Variants in AGRN observed in about 807,000 individuals in gnomAD.
AGRN encodes the protein agrin proteoglycan.
AGRN carries 106 observed loss-of-function variants against 211.0 expected under a neutral mutation model. The ratio of observed to expected loss-of-function variants is 0.50; its 90% CI spans 0.43 to 0.59. The LOEUF (loss-of-function observed/expected upper bound fraction) is 0.59, where lower values mean the gene tolerates loss of function less well. AGRN is among the 20% of genes least tolerant of loss of function. The pLI is 0.00. For synonymous variants in AGRN, 1,525 were observed against 1,332.5 expected, an observed-to-expected ratio of 1.14 and a Z score of -3.15; for missense variants, 3,040 against 2,982.6, an observed-to-expected ratio of 1.02 and a Z score of -0.45.
At position 1,039,411 on chromosome 1, in the gene AGRN, T is replaced by TGGC. The variant is rs71576591; in HGVS notation, c.512-1252_512-1251insCGG. ...CCAGTGCACCCACCCTCCTTGGAGA[T>TGGC]GGGGGGGGTTCCTCCTGCCCCATTT... On this transcript the variant is annotated intron_variant, in intron 3 of 35. Coordinates refer to ENST00000379370, the MANE Select transcript of AGRN (RefSeq NM_198576.4). Among the ~76,000 whole-genome samples, 442 of 148,532 alleles carry TGGC rather than the reference T, an allele frequency of 3.0e-3. 3 individuals carry two copies. The highest frequency in any genetic ancestry group is 4.6e-3 in the Non-Finnish European group (307 of 67,124).
At chr1:1,045,935 CACAG>C (rs747898211) in intron 15 of AGRN, 25 bp from the exon 16 acceptor site, 1 of 1,612,502 alleles carries the variant, frequency 6.2e-7, no homozygotes, top group East Asian at 2.2e-5. Flanking sequence ...TCACCCGAGC[CACAG>C]AGGTTTCCCA....
rs997421669 is a variant in AGRN, at chr1:1,031,500, T to G, written c.464-3777T>G. Among the ~76,000 whole-genome samples the G allele has an allele frequency of 2.6e-5, 4 of 152,196 alleles. No homozygotes were observed. The highest frequency in any genetic ancestry group is 2.1e-4 in the South Asian group (1 of 4,826). On this transcript the variant is annotated intron_variant, in intron 2 of 35. Transcript: ENST00000379370. This position sits in a 1 kb window ranked among gnomAD's most constrained non-coding sequence, Gnocchi z 4.8. ...CTTTCTGAAGGCATCTGGGCCTCTG[T>G]GGGGGGCTCAGACACTGACTGGGGC...
chr1:1,049,064 G>A lies in AGRN; in HGVS notation c.4298+5G>A, dbSNP rs1372903519. The A allele has an allele frequency of 6.5e-7, 1 of 1,531,354 alleles. No homozygotes were observed. Among genetic ancestry groups the A allele is most frequent in the Non-Finnish European group, 8.8e-7 (1 of 1,141,880 alleles). 94.9% of individuals were successfully genotyped at this position (1,531,354 alleles called of 1,614,324 possible). A position where few individuals can be genotyped will look rare whatever the true frequency, so the allele number is the denominator to read the frequency against. On this transcript the variant is annotated splice_donor_5th_base_variant and intron_variant, in intron 24 of 35. Transcript: ENST00000379370. Reference sequence around the variant, plus strand: ...AGATGGCCGCGTGCAGCTCAGGTGGGCGGGGAGGGGACGGGGCCGGGGCAG... The same window carrying A: ...AGATGGCCGCGTGCAGCTCAGGTGGACGGGGAGGGGACGGGGCCGGGGCAG...
chr1:1,038,081 G>A (rs1644844071), intron 3 of AGRN, among the ~76,000 whole-genome samples: 1 of 152,156 alleles, frequency 6.6e-6, no homozygotes, highest in South Asian at 2.1e-4. Flanking sequence ...TGTGTTTCCA[G>A]CCTGGATGGG....
rs748126752 is a variant in AGRN, at chr1:1,051,257, C to G, written c.5258C>G (p.Pro1753Arg). ...ACTTACCTGGCGTCCCCGCAGGTTC[C>G]GCACACCGTCCTCAACCTGAAGGAG... ...GPRVLGESPV[P>R]HTVLNLKEPL... Residue 1753 changes from proline (P) to arginine (R), a missense_variant, in exon 31 of 36, where the codon CCG becomes CGG. By Grantham distance (103) the Pro-to-Arg change is moderately radical. This residue lies in a region of AGRN where 1,537 missense variants were observed against 1,505.0 expected (regional missense o/e 1.02). Transcript: ENST00000379370. 1.3e-6 allele frequency: 2 copies of G among 1,581,762 alleles called. No homozygotes were observed. Among genetic ancestry groups the G allele is most frequent in the Non-Finnish European group, 1.7e-6 (2 of 1,165,224 alleles).
In AGRN at chr1:1,053,745, C is replaced by T. The variant is rs1467399709; in HGVS notation, c.5652-8C>T. On this transcript the variant is annotated splice_region_variant and splice_polypyrimidine_tract_variant and intron_variant, in intron 33 of 35. Transcript: ENST00000379370. ...CCTAGAGGCCCTGACCTGCCCTCTG[C>T]CCTCCAGCGAGAAGGCACTGCAGAG... 2.5e-6 allele frequency: 4 copies of T among 1,592,262 alleles called. No individual in the cohort carries two copies. The East Asian group carries it at 9.1e-5, about 36-fold the overall frequency.
Position 1,049,372 on chromosome 1 carries a change from G to A in AGRN, c.4435G>A (p.Glu1479Lys), listed in dbSNP as rs201142052. 1.9e-5 allele frequency: 30 copies of A among 1,598,732 alleles called. No individual in the cohort carries two copies. In the East Asian group the frequency reaches 2.0e-4, roughly 11 times the overall value. ...GGATGGTGAGACCCCTGTTCTGGGC[G>A]AGAGTCCCAGTGGCACCGACGGCCT... ...SVDGETPVLG[E>K]SPSGTDGLNL... is the part of the protein sequence containing the mutation. The change falls in exon 25 of 36, where the codon GAG becomes AAG. Residue 1479 changes from glutamate (E) to lysine (K), a missense_variant. By Grantham distance (56) the Glu-to-Lys change is moderately conservative. Transcript: ENST00000379370.
chr1:1,034,196 C>T (rs1570168849), intron 2 of AGRN: 1 of 985,420 alleles, frequency 1.0e-6, no homozygotes, highest in Admixed American at 6.1e-5. Flanking sequence ...GCGCGCACCG[C>T]CTCTCCGGCC....
intron 2 of AGRN, among the ~76,000 whole-genome samples, chr1:1,028,454 G>A (rs1644571214): frequency 6.6e-6 from 1 of 152,032 alleles, no homozygotes; most frequent in South Asian, 2.1e-4. Context: ...GTCTGCATTC[G>A]AGCCTGTGTG....
chr1:1,044,221 C>T lies in AGRN; in HGVS notation c.2112C>T (p.Val704=). 6.2e-7 allele frequency: 1 copy of T among 1,613,094 alleles called. No homozygotes were observed. The highest frequency in any genetic ancestry group is 8.5e-7 in the Non-Finnish European group (1 of 1,179,908). The change falls in exon 11 of 36, where the codon GTC becomes GTT. Residue 704 remains valine (V), a synonymous_variant. Coordinates refer to ENST00000379370, the MANE Select transcript of AGRN (RefSeq NM_198576.4). ...WDEDSEDGPC[V]CDFSCQSVPG... ...AGGACTCGGAGGACGGGCCGTGTGTCTGTGACTTCAGCTGCCAGAGTGTCC... is the reference window on the plus strand; with the variant it reads ...AGGACTCGGAGGACGGGCCGTGTGTTTGTGACTTCAGCTGCCAGAGTGTCC...
rs980749629 is a variant in AGRN at position 1,047,827 on chromosome 1, A to G, written c.3683A>G (p.Gln1228Arg). 5.0e-6 allele frequency: 8 copies of G among 1,604,120 alleles called. No individual in the cohort carries two copies. The African/African-American group carries it at 9.4e-5, about 19-fold the overall frequency. ...GCCCGGGCCCTGCTCCGGCAGATCC[A>G]GGTGTCCAGGCGCCGGTCCTTGGGG... ...DVARALLRQIQVSRRRSLGVR... is the reference protein window; with the variant it reads ...DVARALLRQIRVSRRRSLGVR... Residue 1228 changes from glutamine to arginine, a missense_variant, in exon 22 of 36, where the codon CAG (glutamine) becomes CGG (arginine). Gln to Arg is a conservative substitution (Grantham distance 43, BLOSUM62 1). Around this residue, in one of 3 missense-constraint regions of AGRN, gnomAD observed 1,537 missense variants for 1,505.0 expected, o/e 1.02. Coordinates refer to ENST00000379370, the MANE Select transcript of AGRN (RefSeq NM_198576.4).
At chr1:1,046,368 T>TC (rs770544509) in intron 17 of AGRN, 29 bp from the exon 18 acceptor site, 154 of 1,596,848 alleles carry the variant, frequency 9.6e-5, no homozygotes, top group Non-Finnish European at 1.3e-4. Context: ...TCCCAACCGG[T>TC]CCCCCCGCCA....
chr1:1,046,073 G>A lies in AGRN; in HGVS notation c.2790G>A (p.Glu930=). ...TCTGCCCGATGCTCACCTGTCCAGA[G>A]GCCAACGCTACCAAGGTGAGGGGTG... The part of the protein sequence containing the change: ...HCVCPMLTCP[E]ANATKVCGSD... The change falls in exon 16 of 36, where the codon GAG becomes GAA. Residue 930 remains glutamate, a synonymous_variant. Transcript: ENST00000379370. The A allele has an allele frequency of 1.2e-6, 2 of 1,614,064 alleles. No homozygotes were observed. Among genetic ancestry groups the A allele is most frequent in the Non-Finnish European group, 1.7e-6 (2 of 1,180,018 alleles).
chr1:1,021,119 C>T (rs1644392954), intron 1 of AGRN, among the ~76,000 whole-genome samples: 1 of 152,200 alleles, frequency 6.6e-6, no homozygotes. Context: ...ACCAGAAATC[C>T]ACTCATTTCC....
At chr1:1,047,208 C>T (rs1645123933) in intron 19 of AGRN, 119 bp from the exon 20 acceptor site, 17 of 1,482,374 alleles carry the variant, frequency 1.1e-5, no homozygotes, top group Admixed American at 2.3e-5. Flanking sequence ...AACCTCATGA[C>T]CATCTGACTA....
At chr1:1,034,094 G>T in intron 2 of AGRN, 20 of 982,450 alleles carry the variant, frequency 2.0e-5, no homozygotes, top group Non-Finnish European at 2.4e-5. Flanking sequence ...CGACGCGGCC[G>T]CCCCTCCTGC....
intron 9 of AGRN, 29 bp from the exon 10 acceptor site, chr1:1,043,794 C>A: frequency 6.2e-7 from 1 of 1,608,104 alleles, no homozygotes; most frequent in South Asian, 1.1e-5. Context: ...CTGGGCCTGC[C>A]GACCCCTGCC....
In AGRN at chr1:1,042,048, G is replaced by C; in HGVS notation, c.1270G>C (p.Ala424Pro). 1 of 1,608,692 alleles carries C rather than the reference G, an allele frequency of 6.2e-7. No homozygotes were observed. Among genetic ancestry groups the C allele is most frequent in the South Asian group, 1.1e-5 (1 of 91,052 alleles). ...CSCDRVTCDG[A>P]YRPVCAQDGR... ...CTGCGACCGCGTCACCTGTGACGGG[G>C]CCTACAGGCCCGTGTGTGCCCAGGA... Residue 424 changes from alanine to proline, a missense_variant, in exon 7 of 36, where the codon GCC becomes CCC. Ala to Pro is a conservative substitution (Grantham distance 27). Transcript: ENST00000379370.
chr1:1,046,313 G>A (rs377621922), intron 17 of AGRN, 48 bp downstream of exon 17: 120 of 1,611,054 alleles, frequency 7.4e-5, no homozygotes, highest in Non-Finnish European at 8.8e-5. Flanking sequence ...AAGGCCTGAC[G>A]CTGCCCTAAA....
Sources: allele counts gnomAD v4.1 joint callset (sites outside exome capture counted in the v4.1 genomes callset), GRCh38; gene constraint gnomAD v4.1.1; regional missense constraint gnomAD v4.1.1; non-coding constraint Gnocchi (gnomAD v3.1); transcripts MANE v1.5; gene names NCBI Gene and HGNC (gene_info 2026-07-23, HGNC 2026-07-21).